Variants in SLC23A2 observed in about 807,000 individuals in gnomAD.
The protein encoded by SLC23A2 is Na(+)/L-ascorbic acid transporter 2.
In SLC23A2, 36 loss-of-function variants were observed where a neutral mutation model predicts 73.3. The ratio of observed to expected loss-of-function variants is 0.49; its 90% CI spans 0.38 to 0.65. The LOEUF is 0.65. Among genes scored for constraint, SLC23A2 ranks in the 30% least tolerant of loss-of-function variants. SLC23A2 has a pLI of 0.00. For missense variants in SLC23A2, 507 were observed against 841.6 expected, an observed-to-expected ratio of 0.60 and a Z score of 4.92; for synonymous variants, 343 against 327.3, an observed-to-expected ratio of 1.05 and a Z score of -0.52.
chr20:4,901,087 T>A (rs1458974237), intron 5 of SLC23A2, among the ~76,000 whole-genome samples: 1 of 152,116 alleles, frequency 6.6e-6, no homozygotes, highest in Non-Finnish European at 1.5e-5. Context: ...AAGATAAACA[T>A]TCCAAAAAGT....
At chr20:4,936,853 T>C (rs1195072245) in intron 2 of SLC23A2, among the ~76,000 whole-genome samples, 2 of 152,114 alleles carry the variant, frequency 1.3e-5, no homozygotes, top group Non-Finnish European at 2.9e-5. Context: ...GAGTAGTGCC[T>C]GGAGTATCCT....
At chr20:4,908,822 G>A (rs1932046647) in intron 4 of SLC23A2, among the ~76,000 whole-genome samples, 2 of 152,232 alleles carry the variant, frequency 1.3e-5, no homozygotes, top group African/African-American at 4.8e-5. Flanking sequence ...CAGCTACTTG[G>A]GAGGCTCAGG....
intron 2 of SLC23A2, among the ~76,000 whole-genome samples, chr20:4,946,508 T>C (rs897299158): frequency 1.3e-5 from 2 of 152,114 alleles, no homozygotes; most frequent in Non-Finnish European, 2.9e-5. Flanking sequence ...CAGCAAATAG[T>C]TTATGGCACA....
At chr20:4,954,252 C>G (rs2087247783) in intron 2 of SLC23A2, among the ~76,000 whole-genome samples, 1 of 152,114 alleles carries the variant, frequency 6.6e-6, no homozygotes, top group South Asian at 2.1e-4. Context: ...GTATTGATCA[C>G]AGAATCTGAC....
chr20:4,854,158 C>G lies in SLC23A2; in HGVS notation c.*2814G>C, dbSNP rs1448012783. 1.3e-5 allele frequency: 2 copies of G among 152,182 alleles called. No individual in the cohort carries two copies. The highest frequency in any genetic ancestry group is 3.9e-4 in the East Asian group (2 of 5,192). 9.4% of individuals were successfully genotyped at this position (152,182 alleles called of 1,614,324 possible). ...TTCACATCCAAAATATTTTACAACA[C>G]TCTACAGGCAAAACAAAGTACGGGG... On this transcript the variant is annotated 3_prime_UTR_variant, in exon 17 of 17. Coordinates refer to ENST00000338244, the MANE Select transcript of SLC23A2 (RefSeq NM_005116.6).
Position 4,861,457 on chromosome 20 carries a change from G to A in SLC23A2, c.1624+491C>T, listed in dbSNP as rs538033329. Among the ~76,000 whole-genome samples, 4 of 152,306 alleles carry A rather than the reference G, an allele frequency of 2.6e-5. No homozygotes were observed. In the South Asian group the frequency reaches 6.2e-4, roughly 24 times the overall value. ...AGTAGCAATGGCTATGTCTTGAGAC[G>A]GTTCTTCCTTTCTACATTCCTCAGG... On this transcript the variant is annotated intron_variant, in intron 15 of 16. Transcript: ENST00000338244.
rs779962383 is a variant in SLC23A2, at chr20:4,870,033, C to T, written c.1123G>A (p.Val375Met). ...PYPFQWGLPT[V>M]SAAGVIGMLS... Reference sequence around the variant, plus strand: ...ATGCCGATGACACCGGCCGCAGACACGGTGGGCAGTCCCCACTGAACTGTG... The same window carrying T: ...ATGCCGATGACACCGGCCGCAGACATGGTGGGCAGTCCCCACTGAACTGTG... The change falls in exon 12 of 17, where the codon GTG becomes ATG. Residue 375 changes from valine to methionine, a missense_variant. Val to Met is a conservative substitution (Grantham distance 21, BLOSUM62 1). Coordinates refer to ENST00000338244, the MANE Select transcript of SLC23A2 (RefSeq NM_005116.6). 9 of 1,610,202 alleles carry T rather than the reference C, an allele frequency of 5.6e-6. No homozygotes were observed. The highest frequency in any genetic ancestry group is 1.1e-5 in the South Asian group (1 of 90,470).
intron 1 of SLC23A2, chr20:5,010,094 C>CA (rs1298620633): frequency 0.027 from 1,477 of 55,206 alleles, 17 homozygotes; most frequent in African/African-American, 0.041. Context: ...GACTCCGTCT[C>CA]AAAAAAAAAA....
At chr20:4,898,791 G>T (rs74345541) in intron 6 of SLC23A2, among the ~76,000 whole-genome samples, 1 of 152,108 alleles carries the variant, frequency 6.6e-6, no homozygotes, top group East Asian at 1.9e-4. Context: ...GAAGCACCGT[G>T]GGAAAAAGAC....
Position 4,854,765 on chromosome 20 carries a change from G to A in SLC23A2, c.*2207C>T, listed in dbSNP as rs1022310203. On this transcript the variant is annotated 3_prime_UTR_variant, in exon 17 of 17. Coordinates refer to ENST00000338244, the MANE Select transcript of SLC23A2 (RefSeq NM_005116.6). ...CTAGAGCAGACACCTTGAGTGTTAT[G>A]CAGCGGAAGACGCCCAGTCAAGCTG... The A allele has an allele frequency of 2.6e-5, 4 of 152,338 alleles. 1 individual carries two copies. The highest frequency in any genetic ancestry group is 1.3e-4 in the Admixed American group (2 of 15,308). The allele number at this position is 152,338 out of a possible 1,614,324, so 9.4% of individuals were successfully genotyped here.
In SLC23A2 at chr20:4,856,954, C is replaced by T. The variant is rs1034600080; in HGVS notation, c.*18G>A. Reference sequence around the variant, plus strand: ...GATACATGCCTCACTGCGGCCAGGCCACAGGGCACAGCAAAGGCTATCCCG... The same window carrying T: ...GATACATGCCTCACTGCGGCCAGGCTACAGGGCACAGCAAAGGCTATCCCG... On this transcript the variant is annotated 3_prime_UTR_variant, in exon 17 of 17. Transcript: ENST00000338244. This position sits in a 1 kb window ranked among gnomAD's most constrained non-coding sequence, Gnocchi z 4.6. 7 of 1,572,228 alleles carry T rather than the reference C, an allele frequency of 4.5e-6. No individual in the cohort carries two copies. Among genetic ancestry groups the T allele is most frequent in the Admixed American group, 1.7e-5 (1 of 59,762 alleles).
chr20:4,920,085 AC>A (rs1324061788), intron 3 of SLC23A2, among the ~76,000 whole-genome samples: 1 of 152,140 alleles, frequency 6.6e-6, no homozygotes, highest in African/African-American at 2.4e-5. Context: ...ACATGGTGAA[AC>A]CCCATCTCCA....
At chr20:4,892,787 T>A (rs892900589) in intron 6 of SLC23A2, among the ~76,000 whole-genome samples, 2 of 151,996 alleles carry the variant, frequency 1.3e-5, no homozygotes, top group Non-Finnish European at 2.9e-5. Flanking sequence ...AGGTCTGGAA[T>A]CTTTTTAAAA....
chr20:4,959,484 G>T (rs942901998), intron 2 of SLC23A2, among the ~76,000 whole-genome samples: 1 of 151,964 alleles, frequency 6.6e-6, no homozygotes, highest in Non-Finnish European at 1.5e-5. Flanking sequence ...TGTTAATAAT[G>T]GCTTTATTTT....
chr20:4,920,329 G>A (rs1396367911), intron 3 of SLC23A2, among the ~76,000 whole-genome samples: 1 of 152,218 alleles, frequency 6.6e-6, no homozygotes, highest in African/African-American at 2.4e-5. Context: ...ATATTCTGCT[G>A]CCAAGCATGC....
chr20:5,000,103 T>A (rs1254270593), intron 1 of SLC23A2, among the ~76,000 whole-genome samples: 1 of 152,204 alleles, frequency 6.6e-6, no homozygotes, highest in Non-Finnish European at 1.5e-5. Flanking sequence ...ACAGTAGTAA[T>A]ACGTTCATAA....
chr20:4,942,665 CAG>C (rs72552375), intron 2 of SLC23A2, among the ~76,000 whole-genome samples: 3,660 of 152,302 alleles, frequency 0.024, 75 homozygotes, highest in South Asian at 0.049. Context: ...GTCCAGGAAA[CAG>C]AGTCACCCCT....
rs1932799756 is a variant in SLC23A2 at position 4,932,402 on chromosome 20, T to C, written c.108+53A>G. On this transcript the variant is annotated intron_variant, in intron 3 of 16. Transcript: ENST00000338244. The stretch of plus-strand genomic sequence containing the variant: ...TAAAGCCAATCCTATGTTGATTCCA[T>C]ACGGAAACTACTTTCAAGAGATTTA... The C allele has an allele frequency of 1.2e-5, 12 of 1,025,524 alleles. No homozygotes were observed. The East Asian group carries it at 2.4e-4, about 20-fold the overall frequency. 63.5% of individuals were successfully genotyped at this position (1,025,524 alleles called of 1,614,324 possible). A position where few individuals can be genotyped will look rare whatever the true frequency, so the allele number is the denominator to read the frequency against.
At chr20:4,929,332 C>T (rs1293889748) in intron 3 of SLC23A2, among the ~76,000 whole-genome samples, 1 of 151,916 alleles carries the variant, frequency 6.6e-6, no homozygotes, top group Non-Finnish European at 1.5e-5. Flanking sequence ...ACACTGGGAC[C>T]TGCTGGGCTG....
Sources: gnomAD v4.1 joint callset for allele counts (sites outside exome capture counted in the v4.1 genomes callset) on GRCh38, gnomAD v4.1.1 for gene constraint, Gnocchi (gnomAD v3.1) non-coding constraint, MANE v1.5 for transcripts, NCBI Gene and HGNC (gene_info 2026-07-23, HGNC 2026-07-21) for gene names.